GDAP1L1: variants seen among roughly 807,000 people sequenced by gnomAD.
GDAP1L1 encodes ganglioside induced differentiation associated protein 1 like 1, also known as ganglioside-induced differentiation-associated protein 1-like 1.
In GDAP1L1, 21 loss-of-function variants were observed where a neutral mutation model predicts 37.1. The ratio of observed to expected loss-of-function variants is 0.57; its 90% CI spans 0.40 to 0.81. The LOEUF is 0.81. Among genes scored for constraint, GDAP1L1 ranks in the 40% least tolerant of loss-of-function variants. The probability of loss-of-function intolerance (pLI) is 0.00; values close to 1 mark genes in which losing one functional copy is unlikely to be tolerated. For synonymous variants in GDAP1L1, 193 were observed against 209.1 expected (o/e 0.92, Z 0.67); for missense variants, 362 against 491.6 (o/e 0.74, Z 2.49).
rs1478903697 is a variant in GDAP1L1, at chr20:44,258,595, G to A, written c.535G>A (p.Ala179Thr). The A allele has an allele frequency of 6.2e-7, 1 of 1,600,346 alleles. No homozygotes were observed. ...TDSMIPKYAT[A>T]EIRRHLANAT... ...CTCCATGATCCCCAAGTACGCCACG[G>A]CCGAGATCCGCAGTGAGTGCCAGGG... Residue 179 changes from alanine (A) to threonine (T), a missense_variant, in exon 3 of 6, where the codon GCC becomes ACC. Ala to Thr is a moderately conservative substitution (Grantham distance 58). Coordinates refer to ENST00000342560, the MANE Select transcript of GDAP1L1 (RefSeq NM_024034.6).
At chr20:44,274,604 G>T (rs935673178) in intron 5 of GDAP1L1, among the ~76,000 whole-genome samples, 1 of 152,168 alleles carries the variant, frequency 6.6e-6, no homozygotes, top group African/African-American at 2.4e-5. Flanking sequence ...CCTGTCCTAA[G>T]TTGACTTGCT....
chr20:44,268,796 T>C (rs1459037796), intron 5 of GDAP1L1, among the ~76,000 whole-genome samples: 1 of 152,012 alleles, frequency 6.6e-6, no homozygotes, highest in Non-Finnish European at 1.5e-5. Flanking sequence ...GTGGTGGGAA[T>C]GAGGGGAGAG....
At chr20:44,264,359 G>A (rs2073727240) in intron 4 of GDAP1L1, 86 bp from the exon 5 acceptor site, 2 of 1,348,946 alleles carry the variant, frequency 1.5e-6, no homozygotes, top group Non-Finnish European at 9.5e-7. Flanking sequence ...GTTTGCAGAA[G>A]AAGTTCAGCA....
At chr20:44,269,571 G>C (rs919679453) in intron 5 of GDAP1L1, among the ~76,000 whole-genome samples, 1 of 152,168 alleles carries the variant, frequency 6.6e-6, no homozygotes, top group Non-Finnish European at 1.5e-5. Flanking sequence ...ATGGGCTTGA[G>C]AGGTATTTTG....
Position 44,263,423 on chromosome 20 carries a change from T to C in GDAP1L1, c.645+96T>C, listed in dbSNP as rs957633179. 16 of 906,112 alleles carry C rather than the reference T, an allele frequency of 1.8e-5. No individual in the cohort carries two copies. The African/African-American group carries it at 2.5e-4, about 14-fold the overall frequency. 56.1% of individuals were successfully genotyped at this position (906,112 alleles called of 1,614,324 possible). A position where few individuals can be genotyped will look rare whatever the true frequency, so the allele number is the denominator to read the frequency against. On this transcript the variant is annotated intron_variant, in intron 4 of 5. Transcript: ENST00000342560. ...CTAAGTAGAAGATCAGCTGATGATA[T>C]GAAATGGAAAAGCCCCTGGCTTGCT...
At chr20:44,248,402 G>A (rs1231309326) in intron 1 of GDAP1L1, among the ~76,000 whole-genome samples, 1 of 152,268 alleles carries the variant, frequency 6.6e-6, no homozygotes, top group Non-Finnish European at 1.5e-5. Flanking sequence ...CGGCACCACT[G>A]CCTGACCTTC....
At chr20:44,262,323 T>A (rs1174490031) in intron 3 of GDAP1L1, among the ~76,000 whole-genome samples, 2 of 151,288 alleles carry the variant, frequency 1.3e-5, no homozygotes, top group Admixed American at 1.3e-4. Flanking sequence ...ATGAGAAAGA[T>A]GGAGGAGGAA....
intron 1 of GDAP1L1, among the ~76,000 whole-genome samples, chr20:44,248,406 G>A (rs1181196870): frequency 6.6e-6 from 1 of 152,268 alleles, no homozygotes; most frequent in Non-Finnish European, 1.5e-5. Flanking sequence ...ACCACTGCCT[G>A]ACCTTCTGAC....
At chr20:44,264,337 T>C (rs2073726854) in intron 4 of GDAP1L1, 108 bp from the exon 5 acceptor site, 7 of 1,297,794 alleles carry the variant, frequency 5.4e-6, no homozygotes, top group Non-Finnish European at 4.9e-6. Context: ...TTGGGGGGCA[T>C]TTGGAGGCTG....
chr20:44,272,646 T>C (rs1023757244), intron 5 of GDAP1L1, among the ~76,000 whole-genome samples: 1 of 151,460 alleles, frequency 6.6e-6, no homozygotes, highest in Non-Finnish European at 1.5e-5. Context: ...AACACACAAG[T>C]AGAGGAGAAG....
At chr20:44,267,511 T>G (rs2062466849) in intron 5 of GDAP1L1, among the ~76,000 whole-genome samples, 1 of 151,358 alleles carries the variant, frequency 6.6e-6, no homozygotes, top group Non-Finnish European at 1.5e-5. Flanking sequence ...TGTGGGAGGC[T>G]GAGGCAGGAG....
chr20:44,273,942 C>T (rs1032544077), intron 5 of GDAP1L1, among the ~76,000 whole-genome samples: 1 of 152,212 alleles, frequency 6.6e-6, no homozygotes, highest in Admixed American at 6.5e-5. Context: ...GACCCACCCA[C>T]TGTATATCAT....
At chr20:44,276,183 AT>A (rs1452334272) in intron 5 of GDAP1L1, among the ~76,000 whole-genome samples, 6 of 144,666 alleles carry the variant, frequency 4.1e-5, no homozygotes, top group Admixed American at 1.4e-4. Flanking sequence ...AAAAAAAAAA[AT>A]AATAGCCAGG....
chr20:44,258,289 C>T (rs1479883991), intron 2 of GDAP1L1, 145 bp from the exon 3 acceptor site: 3 of 804,676 alleles, frequency 3.7e-6, no homozygotes. Context: ...CACTAGAATC[C>T]CCTGTCCGCC....
At position 44,279,000 on chromosome 20, in the gene GDAP1L1, C is replaced by A; in HGVS notation, c.804C>A (p.Leu268=). 10 of 1,614,030 alleles carry A rather than the reference C, an allele frequency of 6.2e-6. No individual in the cohort carries two copies. Among genetic ancestry groups the A allele is most frequent in the Non-Finnish European group, 8.5e-6 (10 of 1,179,936 alleles). The change falls in exon 6 of 6, where the codon CTC becomes CTA. Residue 268 remains leucine, a synonymous_variant. Transcript: ENST00000342560. The stretch of plus-strand genomic sequence containing the variant: ...GGCTCTGTGGCTGTGCCTTCACCCT[C>A]GCTGATGTCCTCCTGGGAGCCACCC... ...ELWLCGCAFT[L]ADVLLGATLH...
At chr20:44,274,347 C>G (rs1353865868) in intron 5 of GDAP1L1, among the ~76,000 whole-genome samples, 2 of 152,172 alleles carry the variant, frequency 1.3e-5, no homozygotes, top group Non-Finnish European at 2.9e-5. Context: ...TGACTTGTCT[C>G]TCACTACTGG....
In GDAP1L1 at chr20:44,279,397, C is replaced by T. The variant is rs903906764; in HGVS notation, c.*97C>T. ...ACTCACTGTCTCATGAACACTTGGA[C>T]AGCCCTCCCCGCCCTTCGTTCTGAG... On this transcript the variant is annotated 3_prime_UTR_variant, in exon 6 of 6. Coordinates refer to ENST00000342560, the MANE Select transcript of GDAP1L1 (RefSeq NM_024034.6). 1.9e-5 allele frequency: 15 copies of T among 799,714 alleles called. No homozygotes were observed. The highest frequency in any genetic ancestry group is 3.0e-5 in the Non-Finnish European group (14 of 459,758). 49.5% of individuals were successfully genotyped at this position (799,714 alleles called of 1,614,324 possible). A position where few individuals can be genotyped will look rare whatever the true frequency, so the allele number is the denominator to read the frequency against.
chr20:44,259,624 T>C (rs1017276238), intron 3 of GDAP1L1, among the ~76,000 whole-genome samples: 5 of 151,896 alleles, frequency 3.3e-5, no homozygotes, highest in Non-Finnish European at 7.4e-5. Flanking sequence ...GCCTCCCAAG[T>C]AGCTGGGACC....
chr20:44,279,497 G>A lies in GDAP1L1; in HGVS notation c.*197G>A, dbSNP rs1432280875. On this transcript the variant is annotated 3_prime_UTR_variant, in exon 6 of 6. Coordinates refer to ENST00000342560, the MANE Select transcript of GDAP1L1 (RefSeq NM_024034.6). ...GCCAATGCTGTGACTCAAGGCCACG[G>A]CTCTACTAAAAGAGAGAGAGGAAGC... The A allele has an allele frequency of 1.4e-6, 1 of 708,714 alleles. No individual in the cohort carries two copies. The highest frequency in any genetic ancestry group is 1.8e-5 in the African/African-American group (1 of 57,040). The allele number at this position is 708,714 out of a possible 1,614,324, so 43.9% of individuals were successfully genotyped here. A position where few individuals can be genotyped will look rare whatever the true frequency, so the allele number is the denominator to read the frequency against.
Sources: gnomAD v4.1 joint callset for allele counts (sites outside exome capture counted in the v4.1 genomes callset) on GRCh38, gnomAD v4.1.1 for gene constraint, MANE v1.5 for transcripts, NCBI Gene and HGNC (gene_info 2026-07-23, HGNC 2026-07-21) for gene names.